SLCO3A1: variants seen among roughly 807,000 people sequenced by gnomAD.
SLCO3A1 encodes PGE1 transporter.
SLCO3A1 carries 27 observed loss-of-function variants against 63.1 expected under a neutral mutation model. That is an observed-to-expected ratio of 0.43 (90% confidence interval 0.32 to 0.59). The LOEUF (loss-of-function observed/expected upper bound fraction) is 0.59. Among genes scored for constraint, SLCO3A1 ranks in the 20% least tolerant of loss-of-function variants. The pLI, the probability that SLCO3A1 is intolerant of heterozygous loss-of-function variation, is 0.09. For missense variants in SLCO3A1, 773 were observed against 945.8 expected (o/e 0.82, Z 2.40); for synonymous variants, 473 against 409.9 (o/e 1.15, Z -1.86).
intron 2 of SLCO3A1, among the ~76,000 whole-genome samples, chr15:91,917,742 G>A (rs7182106): frequency 0.57 from 86,124 of 151,942 alleles, 25,113 homozygotes; most frequent in East Asian, 0.91. Flanking sequence ...GGAAACTAAG[G>A]TAATCATTTT....
chr15:92,026,509 G>A (rs2151476042), intron 2 of SLCO3A1, among the ~76,000 whole-genome samples: 1 of 152,254 alleles, frequency 6.6e-6, no homozygotes, highest in South Asian at 2.1e-4. Flanking sequence ...GGGACAAACA[G>A]GTTTACAAAG....
chr15:91,931,589 G>C (rs1473252549), intron 2 of SLCO3A1, among the ~76,000 whole-genome samples: 3 of 151,750 alleles, frequency 2.0e-5, no homozygotes, highest in African/African-American at 7.3e-5. Flanking sequence ...CCCTGTCTCA[G>C]ACTCCCAAGT....
intron 1 of SLCO3A1, among the ~76,000 whole-genome samples, chr15:91,903,243 A>T (rs139756964): frequency 6.6e-6 from 1 of 152,296 alleles, no homozygotes; most frequent in African/African-American, 2.4e-5. Flanking sequence ...TGAGGAACAG[A>T]TGGCCTGGTG....
intron 2 of SLCO3A1, among the ~76,000 whole-genome samples, chr15:92,032,096 G>T (rs766137440): frequency 2.0e-5 from 3 of 152,176 alleles, no homozygotes; most frequent in Non-Finnish European, 4.4e-5. Flanking sequence ...CTCATTCTTG[G>T]ACCACTGTGT....
chr15:92,029,012 G>A (rs1021371209), intron 2 of SLCO3A1, among the ~76,000 whole-genome samples: 1 of 149,350 alleles, frequency 6.7e-6, no homozygotes, highest in African/African-American at 2.5e-5. Context: ...TTAGAAAAAT[G>A]TCCTGTTTCC....
intron 2 of SLCO3A1, among the ~76,000 whole-genome samples, chr15:91,921,814 C>G (rs1046839154): frequency 2.6e-5 from 4 of 151,920 alleles, no homozygotes; most frequent in African/African-American, 9.7e-5. Flanking sequence ...ACTGCTGCCT[C>G]TGCCTCCTGG....
chr15:92,066,880 A>G (rs148411804), intron 2 of SLCO3A1, among the ~76,000 whole-genome samples: 2 of 152,270 alleles, frequency 1.3e-5, no homozygotes, highest in African/African-American at 2.4e-5. Flanking sequence ...CTTGGGTACC[A>G]TCACTCAATA....
At position 91,897,122 on chromosome 15, in the gene SLCO3A1, A is replaced by G. The variant is rs905731063; in HGVS notation, c.181-18871A>G. On this transcript the variant is annotated intron_variant, in intron 1 of 9. Coordinates refer to ENST00000318445, the MANE Select transcript of SLCO3A1 (RefSeq NM_013272.4). The surrounding 1 kb of genome is among the most constrained non-coding windows in gnomAD (Gnocchi z 4.7). ...CAAAGTAACCGTAAGATAAGTTCCT[A>G]CCACACTATTTGCCATTGTCTATAC... Among the ~76,000 whole-genome samples, 62 of 152,212 alleles carry G rather than the reference A, an allele frequency of 4.1e-4. No homozygotes were observed. The highest frequency in any genetic ancestry group is 1.4e-3 in the African/African-American group (58 of 41,460).
chr15:91,854,446 A>T lies in SLCO3A1; in HGVS notation c.180+358A>T. ...GGTTCTCCTTGGAGAGGAACGAAAA[A>T]GCGTCGGGGTTTTCAGGTGACCTGC... On this transcript the variant is annotated intron_variant, in intron 1 of 9. Coordinates refer to ENST00000318445, the MANE Select transcript of SLCO3A1 (RefSeq NM_013272.4). This position sits in a 1 kb window ranked among gnomAD's most constrained non-coding sequence, Gnocchi z 6.4. The T allele has an allele frequency of 1.1e-6, 1 of 948,342 alleles. No individual in the cohort carries two copies. The highest frequency in any genetic ancestry group is 1.3e-6 in the Non-Finnish European group (1 of 788,156). 58.7% of individuals were successfully genotyped at this position (948,342 alleles called of 1,614,324 possible).
intron 2 of SLCO3A1, among the ~76,000 whole-genome samples, chr15:91,974,472 G>C (rs949882406): frequency 1.3e-5 from 2 of 152,056 alleles, no homozygotes; most frequent in Non-Finnish European, 2.9e-5. Context: ...ACAGAGGAGG[G>C]TGAAGGTTTC....
Position 91,920,256 on chromosome 15 carries a change from C to T in SLCO3A1, c.646+3798C>T, listed in dbSNP as rs1487748920. Among the ~76,000 whole-genome samples the T allele has an allele frequency of 2.6e-5, 4 of 152,114 alleles. 1 individual carries two copies. Among genetic ancestry groups the T allele is most frequent in the South Asian group, 4.1e-4 (2 of 4,826 alleles). ...TTCAGGTATGTCTGGGATCTGCTCA[C>T]GAGGCTGGGATGGGAGCTCAAGGGT... On this transcript the variant is annotated intron_variant, in intron 2 of 9. Coordinates refer to ENST00000318445, the MANE Select transcript of SLCO3A1 (RefSeq NM_013272.4).
intron 7 of SLCO3A1, among the ~76,000 whole-genome samples, chr15:92,130,088 T>C (rs140349437): frequency 6.6e-6 from 1 of 152,342 alleles, no homozygotes; most frequent in Non-Finnish European, 1.5e-5. Context: ...GTTATAAGAA[T>C]TAAATTGACT....
At chr15:91,905,721 A>G (rs764859148) in intron 1 of SLCO3A1, among the ~76,000 whole-genome samples, 1 of 152,002 alleles carries the variant, frequency 6.6e-6, no homozygotes, top group Non-Finnish European at 1.5e-5. Flanking sequence ...AAATGTTACC[A>G]TTTGGAAAAC....
intron 2 of SLCO3A1, among the ~76,000 whole-genome samples, chr15:91,971,757 ATGT>A (rs1900882343): frequency 6.6e-6 from 1 of 152,156 alleles, no homozygotes; most frequent in Admixed American, 6.5e-5. Flanking sequence ...GTTGATGAAA[ATGT>A]TGTGAACAGA....
intron 4 of SLCO3A1, among the ~76,000 whole-genome samples, chr15:92,119,705 A>C (rs2047838085): frequency 6.6e-6 from 1 of 152,090 alleles, no homozygotes; most frequent in African/African-American, 2.4e-5. Flanking sequence ...TGAGGGGCAG[A>C]CCTCGGGCCA....
At chr15:91,892,344 TAACA>T (rs1197315225) in intron 1 of SLCO3A1, among the ~76,000 whole-genome samples, 1 of 152,138 alleles carries the variant, frequency 6.6e-6, no homozygotes, top group Non-Finnish European at 1.5e-5. Flanking sequence ...AGAAAAGCGC[TAACA>T]AACAGAGCTG....
chr15:91,949,609 G>A (rs1439395408), intron 2 of SLCO3A1, among the ~76,000 whole-genome samples: 2 of 151,980 alleles, frequency 1.3e-5, no homozygotes, highest in Admixed American at 6.6e-5. Context: ...CAGCCTGGGC[G>A]ACAGAGTGAG....
chr15:92,017,872 G>C (rs1391655785), intron 2 of SLCO3A1, among the ~76,000 whole-genome samples: 1 of 152,136 alleles, frequency 6.6e-6, no homozygotes, highest in Non-Finnish European at 1.5e-5. Flanking sequence ...AGGTGAGTGA[G>C]ATAGGGGCCC....
chr15:91,957,372 C>T (rs1900278551), intron 2 of SLCO3A1, among the ~76,000 whole-genome samples: 1 of 150,816 alleles, frequency 6.6e-6, no homozygotes, highest in African/African-American at 2.4e-5. Flanking sequence ...CCCATCACAC[C>T]TGCAATCAAA....
Sources: allele counts gnomAD v4.1 joint callset (sites outside exome capture counted in the v4.1 genomes callset), GRCh38; gene constraint gnomAD v4.1.1; non-coding constraint Gnocchi (gnomAD v3.1); transcripts MANE v1.5; gene names NCBI Gene and HGNC (gene_info 2026-07-23, HGNC 2026-07-21).